Variants in FAM78A observed in about 807,000 individuals in gnomAD.
The protein encoded by FAM78A is protein FAM78A.
In FAM78A, 12 loss-of-function variants were observed where a neutral mutation model predicts 22.6. The observed-to-expected ratio is 0.53, with a 90% CI of 0.34 to 0.86. The LOEUF is 0.86. Ranked by LOEUF, FAM78A falls within the 40% of genes least tolerant of loss-of-function variation. FAM78A has a pLI of 0.02. For synonymous variants in FAM78A, 151 were observed against 155.8 expected (o/e 0.97, Z 0.23); for missense variants, 322 against 396.1 (o/e 0.81, Z 1.59).
In FAM78A at chr9:131,276,028, G is replaced by A. The variant is rs778086225; in HGVS notation, c.152C>T (p.Pro51Leu). The change falls in exon 1 of 2, where the codon CCC (proline) becomes CTC (leucine). Residue 51 changes from proline (P) to leucine (L), a missense_variant. By Grantham distance (98) the Pro-to-Leu change is moderately conservative. Transcript: ENST00000372271. This position sits in a 1 kb window ranked among gnomAD's most constrained non-coding sequence, Gnocchi z 4.3. ...IDVKASIDPV[P>L]TSIDESSSVV... is the part of the protein sequence containing the mutation. ...GCTGGAGGACTCATCGATGCTAGTG[G>A]GGACGGGGTCGATGGAGGCTTTCAC... 1 of 1,613,746 alleles carries A rather than the reference G, an allele frequency of 6.2e-7. No individual in the cohort carries two copies. The highest frequency in any genetic ancestry group is 1.7e-5 in the Admixed American group (1 of 60,016).
At position 131,261,365 on chromosome 9, in the gene FAM78A, G is replaced by A; in HGVS notation, c.324-15C>T. ...CCCAGCTGGACCTGAGGACAAGGAA[G>A]GCCAGTTCACTCACTCGGTCACTCA... On this transcript the variant is annotated splice_polypyrimidine_tract_variant and intron_variant, in intron 1 of 1. Coordinates refer to ENST00000372271, the MANE Select transcript of FAM78A (RefSeq NM_033387.4). This position sits in a 1 kb window ranked among gnomAD's most constrained non-coding sequence, Gnocchi z 7.1. The A allele has an allele frequency of 1.9e-6, 3 of 1,557,122 alleles. No homozygotes were observed. Among genetic ancestry groups the A allele is most frequent in the Non-Finnish European group, 1.7e-6 (2 of 1,159,890 alleles).
At chr9:131,267,757 G>A (rs1835361882) in intron 1 of FAM78A, among the ~76,000 whole-genome samples, 1 of 152,280 alleles carries the variant, frequency 6.6e-6, no homozygotes, top group South Asian at 2.1e-4. Flanking sequence ...AAAGACTTGA[G>A]GCTCCAGGCC....
chr9:131,265,547 C>T lies in FAM78A; in HGVS notation c.324-4197G>A, dbSNP rs1209461662. On this transcript the variant is annotated intron_variant, in intron 1 of 1. Transcript: ENST00000372271. This position sits in a 1 kb window ranked among gnomAD's most constrained non-coding sequence, Gnocchi z 4.3. ...TACAGGCGTGAGCCACCATGCCCGG[C>T]CTAATTTTTATATTTTTTTAGTAGA... Among the ~76,000 whole-genome samples the T allele has an allele frequency of 2.6e-5, 4 of 152,148 alleles. No homozygotes were observed. The highest frequency in any genetic ancestry group is 9.7e-5 in the African/African-American group (4 of 41,426).
Position 131,275,162 on chromosome 9 carries a change from G to A in FAM78A, c.323+695C>T, listed in dbSNP as rs558381606. 1.3e-5 allele frequency among the ~76,000 whole-genome samples: 2 copies of A among 152,314 alleles called. No individual in the cohort carries two copies. Among genetic ancestry groups the A allele is most frequent in the Admixed American group, 1.3e-4 (2 of 15,294 alleles). ...GCACACTCTGGAGACCGGGCTTTGG[G>A]GCTGCAGAGGAGAGGCTCCTCTTTG... is the stretch of plus-strand genomic sequence containing the variant. On this transcript the variant is annotated intron_variant, in intron 1 of 1. Coordinates refer to ENST00000372271, the MANE Select transcript of FAM78A (RefSeq NM_033387.4). The surrounding 1 kb of genome is among the most constrained non-coding windows in gnomAD (Gnocchi z 4.6).
At chr9:131,266,359 C>T (rs1030548757) in intron 1 of FAM78A, among the ~76,000 whole-genome samples, 8 of 152,332 alleles carry the variant, frequency 5.3e-5, no homozygotes, top group Non-Finnish European at 8.8e-5. Context: ...AGCACACACA[C>T]GTGCATGTAC....
In FAM78A at chr9:131,270,383, C is replaced by G. The variant is rs780189798; in HGVS notation, c.323+5474G>C. The G allele has an allele frequency of 5.6e-6, 4 of 717,614 alleles. No homozygotes were observed. The South Asian group carries it at 5.9e-5, about 11-fold the overall frequency. The allele number at this position is 717,614 out of a possible 1,614,324, so 44.5% of individuals were successfully genotyped here. On this transcript the variant is annotated intron_variant, in intron 1 of 1. Transcript: ENST00000372271. The stretch of plus-strand genomic sequence containing the variant: ...CTGATCTTTTTCAATGCACCCAACT[C>G]CAATCAGCAAAACAAAGGATATCAG...
In FAM78A at chr9:131,261,444, G is replaced by T; in HGVS notation, c.324-94C>A. On this transcript the variant is annotated intron_variant, in intron 1 of 1. Transcript: ENST00000372271. This position sits in a 1 kb window ranked among gnomAD's most constrained non-coding sequence, Gnocchi z 7.1. ...GCCAGGGGCTGTCCTGGGCCCTGAG[G>T]ATGGAACGGACCCAGCAGACCACCC... 1 of 1,281,228 alleles carries T rather than the reference G, an allele frequency of 7.8e-7. No homozygotes were observed. The allele number at this position is 1,281,228 out of a possible 1,614,324, so 79.4% of individuals were successfully genotyped here.
chr9:131,280,163 G>C (rs1224940474), upstream of FAM78A, among the ~76,000 whole-genome samples: 2 of 152,184 alleles, frequency 1.3e-5, no homozygotes, highest in African/African-American at 4.8e-5. Flanking sequence ...CTTTGAGCTG[G>C]GGGGCAGCTC....
chr9:131,262,988 C>T (rs962606673), intron 1 of FAM78A, among the ~76,000 whole-genome samples: 1 of 152,080 alleles, frequency 6.6e-6, no homozygotes, highest in Non-Finnish European at 1.5e-5. Context: ...ACCTGCAATC[C>T]CAGCACTTTG....
upstream of FAM78A, among the ~76,000 whole-genome samples, chr9:131,279,616 C>T (rs545173284): frequency 1.4e-4 from 22 of 152,292 alleles, no homozygotes; most frequent in African/African-American, 4.1e-4. Flanking sequence ...AGCCCTGAAC[C>T]GCCTTGTGAG....
Position 131,265,900 on chromosome 9 carries a change from G to A in FAM78A, c.324-4550C>T, listed in dbSNP as rs1306692931. Among the ~76,000 whole-genome samples, 1 of 152,174 alleles carries A rather than the reference G, an allele frequency of 6.6e-6. No homozygotes were observed. Among genetic ancestry groups the A allele is most frequent in the Non-Finnish European group, 1.5e-5 (1 of 68,026 alleles). On this transcript the variant is annotated intron_variant, in intron 1 of 1. Coordinates refer to ENST00000372271, the MANE Select transcript of FAM78A (RefSeq NM_033387.4). The surrounding 1 kb of genome is among the most constrained non-coding windows in gnomAD (Gnocchi z 4.3). ...CAGGCAAGTCCAGGCTGGAACCCAG[G>A]CGTCAGAATGCTTCCCGGGCTGAAG...
At position 131,275,848 on chromosome 9, in the gene FAM78A, C is replaced by T. The variant is rs1469159623; in HGVS notation, c.323+9G>A. ...GCAGTTCCCAGAGCTGGCTCTCGGC[C>T]GTACTCACATGCCCTGCTCGCCGTA... On this transcript the variant is annotated intron_variant, in intron 1 of 1. Transcript: ENST00000372271. The surrounding 1 kb of genome is among the most constrained non-coding windows in gnomAD (Gnocchi z 4.6). 6.4e-7 allele frequency: 1 copy of T among 1,569,928 alleles called. No homozygotes were observed. Among genetic ancestry groups the T allele is most frequent in the Non-Finnish European group, 8.7e-7 (1 of 1,155,580 alleles).
upstream of FAM78A, among the ~76,000 whole-genome samples, chr9:131,280,629 T>G (rs1019418526): frequency 4.6e-5 from 7 of 152,042 alleles, no homozygotes; most frequent in East Asian, 9.7e-4. Context: ...CAAAGTGTTG[T>G]CAGTGGGAGG....
chr9:131,273,544 CG>C lies in FAM78A; in HGVS notation c.323+2312del, dbSNP rs1835444523. Among the ~76,000 whole-genome samples, 8 of 152,214 alleles carry C rather than the reference CG, an allele frequency of 5.3e-5. 1 individual carries two copies. Among genetic ancestry groups the C allele is most frequent in the Admixed American group, 5.2e-4 (8 of 15,284 alleles). ...AAAATGGCCTGGAGCCACTTTAAAA[CG>C]CAAGTTCTTCATGCCTTACACTGCT... On this transcript the variant is annotated intron_variant, in intron 1 of 1. Transcript: ENST00000372271.
At chr9:131,269,633 C>T (rs1220144629) in intron 1 of FAM78A, among the ~76,000 whole-genome samples, 1 of 152,094 alleles carries the variant, frequency 6.6e-6, no homozygotes, top group Non-Finnish European at 1.5e-5. Flanking sequence ...CGCACCACCA[C>T]ACCCAGCTAA....
At chr9:131,277,514 G>A (rs1234231571), upstream of FAM78A, among the ~76,000 whole-genome samples, 1 of 151,802 alleles carries the variant, frequency 6.6e-6, no homozygotes, top group Non-Finnish European at 1.5e-5. This position sits in a 1 kb window ranked among gnomAD's most constrained non-coding sequence, Gnocchi z 8.4. Flanking sequence ...ACTTTGGCGC[G>A]CACGCCCCCA....
Position 131,270,361 on chromosome 9 carries a change from A to T in FAM78A, c.323+5496T>A, listed in dbSNP as rs982729380. 10 of 717,478 alleles carry T rather than the reference A, an allele frequency of 1.4e-5. No individual in the cohort carries two copies. In the African/African-American group the frequency reaches 1.6e-4, roughly 11 times the overall value. 44.4% of individuals were successfully genotyped at this position (717,478 alleles called of 1,614,324 possible). ...TTCCCCCAAACACTGGGCACGACTG[A>T]TCTTTTTCAATGCACCCAACTCCAA... On this transcript the variant is annotated intron_variant, in intron 1 of 1. Coordinates refer to ENST00000372271, the MANE Select transcript of FAM78A (RefSeq NM_033387.4).
intron 1 of FAM78A, among the ~76,000 whole-genome samples, chr9:131,266,994 G>A (rs561604818): frequency 7.2e-5 from 11 of 152,340 alleles, no homozygotes; most frequent in Non-Finnish European, 1.2e-4. Context: ...CTTAGCACGC[G>A]GTGACAGCAG....
Position 131,276,102 on chromosome 9 carries a change from G to A in FAM78A, c.78C>T (p.Ser26=), listed in dbSNP as rs750207157. ...GGAAGACTCTGGCTTTGCCTCCGAT[G>A]CTCTGAATACAGCCCATGGCATACA... ...ALLYAMGCIQ[S]IGGKARVFRE... Residue 26 remains serine (S), a synonymous_variant, in exon 1 of 2, where the codon AGC becomes AGT. Coordinates refer to ENST00000372271, the MANE Select transcript of FAM78A (RefSeq NM_033387.4). This position sits in a 1 kb window ranked among gnomAD's most constrained non-coding sequence, Gnocchi z 4.3. The A allele has an allele frequency of 2.5e-6, 4 of 1,613,804 alleles. No individual in the cohort carries two copies. In the South Asian group the frequency reaches 4.4e-5, roughly 18 times the overall value.
Sources: gnomAD v4.1 joint callset for allele counts (sites outside exome capture counted in the v4.1 genomes callset) on GRCh38, gnomAD v4.1.1 for gene constraint, Gnocchi (gnomAD v3.1) non-coding constraint, MANE v1.5 for transcripts, NCBI Gene and HGNC (gene_info 2026-07-23, HGNC 2026-07-21) for gene names.